The following RIMS1 variants were observed in gnomAD, a reference collection of about 807,000 sequenced individuals.
RIMS1 encodes regulating synaptic membrane exocytosis protein 1.
Under a neutral mutation model 214.1 loss-of-function variants are expected in RIMS1, and 83 were observed. The observed-to-expected ratio is 0.39, with a 90% confidence interval of 0.32 to 0.47. The LOEUF (loss-of-function observed/expected upper bound fraction) is 0.47. RIMS1 is among the 20% of genes least tolerant of loss of function. RIMS1 has a pLI of 0.99. For missense variants in RIMS1, 2,050 were observed against 2,161.8 expected (o/e 0.95, Z 1.03); for synonymous variants, 793 against 786.8 (o/e 1.01, Z -0.13).
chr6:72,245,393 T>C (rs2068986541), intron 10 of RIMS1, among the ~76,000 whole-genome samples: 1 of 152,090 alleles, frequency 6.6e-6, no homozygotes, highest in South Asian at 2.1e-4. Context: ...ATTGAGATGT[T>C]CCCATCCCTT....
At chr6:72,333,901 G>C in intron 29 of RIMS1, 66 bp downstream of exon 29, 2 of 1,113,686 alleles carry the variant, frequency 1.8e-6, no homozygotes, top group South Asian at 2.9e-5. Flanking sequence ...TGATCTTCAT[G>C]CTATGGCTTG....
chr6:72,244,979 A>T (rs149831134), intron 10 of RIMS1, among the ~76,000 whole-genome samples: 1 of 152,078 alleles, frequency 6.6e-6, no homozygotes, highest in African/African-American at 2.4e-5. Context: ...CATATTGTTA[A>T]TCTTAAATTG....
intron 6 of RIMS1, among the ~76,000 whole-genome samples, chr6:72,214,662 A>G (rs2054962884): frequency 6.6e-6 from 1 of 152,302 alleles, no homozygotes; most frequent in African/African-American, 2.4e-5. Flanking sequence ...AGACACATGC[A>G]GTGTATTAAA....
At position 72,116,478 on chromosome 6, in the gene RIMS1, G is replaced by A. The variant is rs553255460; in HGVS notation, c.471+16492G>A. Among the ~76,000 whole-genome samples, 18 of 152,102 alleles carry A rather than the reference G, an allele frequency of 1.2e-4. No individual in the cohort carries two copies. In the South Asian group the frequency reaches 3.7e-3, roughly 31 times the overall value. ...GTTTCATATAAATGTAACACAGGAT[G>A]CAGTTCCACAAATTTATACTCACAT... is the stretch of plus-strand genomic sequence containing the variant. On this transcript the variant is annotated intron_variant, in intron 4 of 33. Coordinates refer to ENST00000521978, the MANE Select transcript of RIMS1 (RefSeq NM_014989.7).
chr6:72,024,726 G>A (rs996050479), intron 2 of RIMS1, among the ~76,000 whole-genome samples: 2 of 151,792 alleles, frequency 1.3e-5, no homozygotes, highest in Admixed American at 1.3e-4. Context: ...CAAATATTGG[G>A]CACTGTCCCA....
intron 1 of RIMS1, among the ~76,000 whole-genome samples, chr6:71,889,060 C>T (rs1227105349): frequency 6.6e-6 from 1 of 152,162 alleles, no homozygotes; most frequent in East Asian, 1.9e-4. Flanking sequence ...TCAGGATTTA[C>T]AGGTTTGCTG....
At chr6:72,012,149 C>G (rs947521630) in intron 2 of RIMS1, among the ~76,000 whole-genome samples, 1 of 152,138 alleles carries the variant, frequency 6.6e-6, no homozygotes, top group African/African-American at 2.4e-5. Flanking sequence ...ACTATGCAGC[C>G]ATAAAAACTG....
chr6:72,248,071 CCAA>C lies in RIMS1; in HGVS notation c.2189_2191del (p.Thr730del). On this transcript the variant is annotated inframe_deletion, in exon 12 of 34. Coordinates refer to ENST00000521978, the MANE Select transcript of RIMS1 (RefSeq NM_014989.7). ...AAGGCCTTCCATTTCTGTTATTTCT[CCAA>C]CAAGTCCTGGAGCTCTAAAAGATGC... The C allele has an allele frequency of 6.2e-7, 1 of 1,613,306 alleles. No individual in the cohort carries two copies. Among genetic ancestry groups the C allele is most frequent in the Non-Finnish European group, 8.5e-7 (1 of 1,179,516 alleles).
At chr6:72,058,650 C>T (rs1827013112) in intron 2 of RIMS1, among the ~76,000 whole-genome samples, 1 of 152,198 alleles carries the variant, frequency 6.6e-6, no homozygotes, top group African/African-American at 2.4e-5. Flanking sequence ...TCTGGTTCCT[C>T]CCCAAAGACC....
intron 27 of RIMS1, among the ~76,000 whole-genome samples, chr6:72,309,657 C>CTAT (rs890691882): frequency 1.3e-5 from 2 of 151,882 alleles, no homozygotes; most frequent in African/African-American, 4.8e-5. Flanking sequence ...ATTTTAAAAC[C>CTAT]TATTACTTTC....
At chr6:72,223,421 G>A (rs1207150766) in intron 6 of RIMS1, among the ~76,000 whole-genome samples, 3 of 152,042 alleles carry the variant, frequency 2.0e-5, no homozygotes, top group Non-Finnish European at 2.9e-5. Context: ...ATATCATTTA[G>A]TAAGATTTTA....
At chr6:72,381,133 T>C (rs2098479723) in intron 29 of RIMS1, among the ~76,000 whole-genome samples, 1 of 152,194 alleles carries the variant, frequency 6.6e-6, no homozygotes, top group Non-Finnish European at 1.5e-5. Context: ...TGGTTTCTTC[T>C]GAGGCTCTCT....
intron 26 of RIMS1, among the ~76,000 whole-genome samples, chr6:72,304,822 A>G (rs892776247): frequency 2.0e-5 from 3 of 152,020 alleles, no homozygotes; most frequent in Non-Finnish European, 4.4e-5. Context: ...CTACGAGTAA[A>G]TAATGATAAG....
chr6:72,373,444 A>G (rs928232843), intron 29 of RIMS1, among the ~76,000 whole-genome samples: 3 of 152,182 alleles, frequency 2.0e-5, no homozygotes, highest in Admixed American at 6.5e-5. Context: ...ACCAGAATCA[A>G]ACATTTTTGT....
intron 23 of RIMS1, among the ~76,000 whole-genome samples, chr6:72,281,487 G>C (rs1019061800): frequency 6.6e-6 from 1 of 152,054 alleles, no homozygotes. Flanking sequence ...GAAATTAATA[G>C]AAGTTGCCAG....
intron 4 of RIMS1, among the ~76,000 whole-genome samples, chr6:72,168,644 C>T (rs2046597785): frequency 6.6e-6 from 1 of 150,736 alleles, no homozygotes; most frequent in African/African-American, 2.4e-5. Context: ...GTCATTTTGT[C>T]TCATAGTGCA....
intron 1 of RIMS1, among the ~76,000 whole-genome samples, chr6:71,917,082 T>A (rs985559955): frequency 6.6e-6 from 1 of 152,146 alleles, no homozygotes; most frequent in Non-Finnish European, 1.5e-5. Context: ...TTTTAACCTC[T>A]CTGTGCTTGT....
At chr6:72,024,981 G>A (rs1585127420) in intron 2 of RIMS1, among the ~76,000 whole-genome samples, 1 of 143,014 alleles carries the variant, frequency 7.0e-6, no homozygotes, top group African/African-American at 2.6e-5. Flanking sequence ...TCGGCTCAGA[G>A]CAACCTCCGC....
intron 4 of RIMS1, among the ~76,000 whole-genome samples, chr6:72,109,618 T>A (rs960205900): frequency 2.6e-4 from 40 of 152,030 alleles, no homozygotes; most frequent in African/African-American, 9.4e-4. Flanking sequence ...GTCAGATGAG[T>A]AGGTTGAGAA....
Sources: gnomAD v4.1 joint callset for allele counts (sites outside exome capture counted in the v4.1 genomes callset) on GRCh38, gnomAD v4.1.1 for gene constraint, MANE v1.5 for transcripts, NCBI Gene and HGNC (gene_info 2026-07-23, HGNC 2026-07-21) for gene names.